Variants in CCSER1 observed in about 807,000 individuals in gnomAD.
CCSER1 encodes serine-rich coiled-coil domain-containing protein 1.
A neutral mutation model predicts 82.0 loss-of-function variants in CCSER1; 41 were observed. That is an observed-to-expected ratio of 0.50 (90% CI 0.39 to 0.65). The LOEUF is 0.65. CCSER1 is among the 30% of genes least tolerant of loss of function. The pLI, the probability that CCSER1 is intolerant of heterozygous loss-of-function variation, is 0.00. For synonymous variants in CCSER1, 414 were observed against 383.9 expected (o/e 1.08, Z -0.92); for missense variants, 1,119 against 1,064.2 (o/e 1.05, Z -0.72).
At chr4:90,729,251 G>T (rs570461473) in intron 7 of CCSER1, among the ~76,000 whole-genome samples, 1 of 152,266 alleles carries the variant, frequency 6.6e-6, no homozygotes, top group African/African-American at 2.4e-5. Context: ...ATGCAAGAAA[G>T]TCTTATAAAT....
At chr4:90,983,393 G>T (rs766030893) in intron 9 of CCSER1, among the ~76,000 whole-genome samples, 15 of 151,068 alleles carry the variant, frequency 9.9e-5, no homozygotes, top group Non-Finnish European at 1.9e-4. Context: ...CTGTTATTTT[G>T]TCAAATTTAC....
At position 90,573,258 on chromosome 4, in the gene CCSER1, G is replaced by A. The variant is rs117108714; in HGVS notation, c.1725-54767G>A. ...ATCCAGTGCAATGCTGCCAGAAGCC[G>A]TGGCCTGTTACAGCAGGCATCTTTC... On this transcript the variant is annotated intron_variant, in intron 5 of 10. Transcript: ENST00000509176. Among the ~76,000 whole-genome samples, 119 of 152,386 alleles carry A rather than the reference G, an allele frequency of 7.8e-4. 1 individual carries two copies. The East Asian group carries it at 0.014, about 18-fold the overall frequency.
chr4:91,105,684 A>G (rs1452961438), intron 10 of CCSER1, among the ~76,000 whole-genome samples: 6 of 152,172 alleles, frequency 3.9e-5, no homozygotes, highest in Non-Finnish European at 7.3e-5. Context: ...AGCCTGGGTG[A>G]CAGAGTGAGA....
At chr4:91,500,792 G>T (rs1395407342) in intron 10 of CCSER1, among the ~76,000 whole-genome samples, 1 of 151,810 alleles carries the variant, frequency 6.6e-6, no homozygotes, top group African/African-American at 2.4e-5. Flanking sequence ...AAGCTTTTTG[G>T]GAAACAGGTG....
At chr4:90,983,358 C>A (rs566414264) in intron 9 of CCSER1, among the ~76,000 whole-genome samples, 92 of 151,700 alleles carry the variant, frequency 6.1e-4, no homozygotes, top group African/African-American at 2.1e-3. Flanking sequence ...TCTTTATGTA[C>A]TAAACATTTT....
At chr4:90,985,974 T>G (rs543785549) in intron 9 of CCSER1, among the ~76,000 whole-genome samples, 3 of 151,774 alleles carry the variant, frequency 2.0e-5, no homozygotes, top group Non-Finnish European at 4.4e-5. Context: ...TTAATAACAT[T>G]AAGTAAATCA....
chr4:90,298,545 G>A (rs949393401), intron 1 of CCSER1, among the ~76,000 whole-genome samples: 3 of 151,788 alleles, frequency 2.0e-5, no homozygotes, highest in Admixed American at 2.0e-4. Context: ...GCTTTTGAAT[G>A]TGTTTGCTCT....
intron 10 of CCSER1, among the ~76,000 whole-genome samples, chr4:91,305,101 C>T (rs1272851653): frequency 6.6e-6 from 1 of 151,966 alleles, no homozygotes; most frequent in Admixed American, 6.6e-5. Context: ...AATTAACAGA[C>T]AGCTCATATG....
At chr4:91,430,687 T>C (rs528336967) in intron 10 of CCSER1, among the ~76,000 whole-genome samples, 224 of 152,340 alleles carry the variant, frequency 1.5e-3, no homozygotes, top group African/African-American at 5.1e-3. Flanking sequence ...TTCGGCTAAG[T>C]TGAAAACCAT....
rs550645044 is a variant in CCSER1 at position 91,147,114 on chromosome 4, T to G, written c.2217+61120T>G. Among the ~76,000 whole-genome samples the G allele has an allele frequency of 2.6e-5, 4 of 152,328 alleles. No individual in the cohort carries two copies. In the South Asian group the frequency reaches 8.3e-4, roughly 32 times the overall value. On this transcript the variant is annotated intron_variant, in intron 10 of 10. Coordinates refer to ENST00000509176, the MANE Select transcript of CCSER1 (RefSeq NM_001145065.2). ...ATTCCCCAGGGTTCCACTGGTCCTTTGAGCTTGGCAGAATCAGTGAGTTTT... is the reference window on the plus strand; with the variant it reads ...ATTCCCCAGGGTTCCACTGGTCCTTGGAGCTTGGCAGAATCAGTGAGTTTT...
chr4:91,325,522 T>A (rs1746498470), intron 10 of CCSER1, among the ~76,000 whole-genome samples: 1 of 152,130 alleles, frequency 6.6e-6, no homozygotes, highest in Non-Finnish European at 1.5e-5. Flanking sequence ...AATAATTAGA[T>A]GAAGAAGGAG....
In CCSER1 at chr4:91,462,911, CT is replaced by C. The variant is rs1163567533; in HGVS notation, c.2218-135660del. Among the ~76,000 whole-genome samples, 8 of 152,298 alleles carry C rather than the reference CT, an allele frequency of 5.3e-5. 1 individual carries two copies. The highest frequency in any genetic ancestry group is 1.9e-4 in the African/African-American group (8 of 41,576). On this transcript the variant is annotated intron_variant, in intron 10 of 10. Transcript: ENST00000509176. ...TCTGCTCAAGGAGGCCTGCCTACCTCTGAGACTCCACCTCTGGGGGCAGGGC... is the reference window on the plus strand; with the variant it reads ...TCTGCTCAAGGAGGCCTGCCTACCTCGAGACTCCACCTCTGGGGGCAGGGC...
intron 8 of CCSER1, among the ~76,000 whole-genome samples, chr4:90,912,472 C>T (rs1407107732): frequency 2.0e-5 from 3 of 152,220 alleles, no homozygotes; most frequent in Non-Finnish European, 1.5e-5. Context: ...GACATCCACA[C>T]CAAAACCCCA....
chr4:90,691,760 G>A (rs1319052603), intron 6 of CCSER1, among the ~76,000 whole-genome samples: 2 of 151,474 alleles, frequency 1.3e-5, no homozygotes, highest in African/African-American at 4.8e-5. Flanking sequence ...TAGGTAAATT[G>A]CATGTCACAG....
chr4:90,943,729 A>ATTTTTTTTTTTT (rs70965460), intron 9 of CCSER1, among the ~76,000 whole-genome samples: 1,844 of 68,810 alleles, frequency 0.027, 179 homozygotes, highest in Non-Finnish European at 0.038. Flanking sequence ...TGCCAGGCTA[A>ATTTTTTTTTTTT]TTTTTTTTTT....
intron 5 of CCSER1, among the ~76,000 whole-genome samples, chr4:90,592,352 C>T (rs1782812725): frequency 1.3e-5 from 2 of 152,066 alleles, no homozygotes; most frequent in South Asian, 4.1e-4. Context: ...CGGCATTAGA[C>T]TTTGAGTCAA....
chr4:90,535,957 A>G (rs540205447), intron 5 of CCSER1, among the ~76,000 whole-genome samples: 82 of 152,020 alleles, frequency 5.4e-4, no homozygotes, highest in Non-Finnish European at 9.7e-4. Flanking sequence ...TGTCTTGACT[A>G]TAATATGCCT....
intron 8 of CCSER1, among the ~76,000 whole-genome samples, chr4:90,919,102 A>T (rs1211804334): frequency 1.3e-5 from 2 of 150,920 alleles, no homozygotes; most frequent in African/African-American, 4.8e-5. Context: ...AAAAAAAAAA[A>T]AAAAAAAAAA....
chr4:91,034,997 T>C (rs1452536093), intron 9 of CCSER1, among the ~76,000 whole-genome samples: 2 of 152,272 alleles, frequency 1.3e-5, no homozygotes, highest in Middle Eastern at 3.4e-3. Flanking sequence ...GTGCATGCAT[T>C]TATGTATGTG....
Sources: allele counts gnomAD v4.1 joint callset (sites outside exome capture counted in the v4.1 genomes callset), GRCh38; gene constraint gnomAD v4.1.1; transcripts MANE v1.5; gene names NCBI Gene and HGNC (gene_info 2026-07-23, HGNC 2026-07-21).